The following TPM3 variants were observed in gnomAD, a reference collection of about 807,000 sequenced individuals.
The protein encoded by TPM3 is tropomyosin 3.
In TPM3, 16 loss-of-function variants were observed where a neutral mutation model predicts 43.1. The ratio of observed to expected loss-of-function variants is 0.37; its 90% CI spans 0.25 to 0.56. The LOEUF is 0.56. Among genes scored for constraint, TPM3 ranks in the 20% least tolerant of loss-of-function variants. The pLI, the probability that TPM3 is intolerant of heterozygous loss-of-function variation, is 0.77. For missense variants in TPM3, 176 were observed against 337.2 expected (o/e 0.52, Z 3.74); for synonymous variants, 101 against 116.9 (o/e 0.86, Z 0.88).
rs993360443 is a variant in TPM3, at chr1:154,166,260, C to T, written c.*1677G>A. 2.2e-5 allele frequency: 5 copies of T among 229,034 alleles called. No homozygotes were observed. In the East Asian group the frequency reaches 2.5e-4, roughly 11 times the overall value. 14.2% of individuals were successfully genotyped at this position (229,034 alleles called of 1,614,324 possible). On this transcript the variant is annotated 3_prime_UTR_variant, in exon 10 of 10. Transcript: ENST00000651641. Reference sequence around the variant, plus strand: ...AGTGTTTTTAACAGATGGAATCTTGCTGTGTTGCCCAGGCTGGAGTACTAC... The same window carrying T: ...AGTGTTTTTAACAGATGGAATCTTGTTGTGTTGCCCAGGCTGGAGTACTAC...
chr1:154,186,944 T>C (rs1663438789), intron 2 of TPM3, among the ~76,000 whole-genome samples: 1 of 151,714 alleles, frequency 6.6e-6, no homozygotes, highest in African/African-American at 2.4e-5. Context: ...CCTCCTTCTC[T>C]ACTGCTTATA....
At chr1:154,168,150 C>G (rs569424408) in intron 9 of TPM3, among the ~76,000 whole-genome samples, 2 of 152,318 alleles carry the variant, frequency 1.3e-5, no homozygotes, top group South Asian at 2.1e-4. Flanking sequence ...CAGGGATCCA[C>G]AGCAAACAGA....
chr1:154,185,897 C>G (rs941407507), intron 2 of TPM3, among the ~76,000 whole-genome samples: 2 of 151,242 alleles, frequency 1.3e-5, no homozygotes, highest in Admixed American at 1.3e-4. Context: ...CTCTTTTCTC[C>G]TAGAAAATTA....
intron 3 of TPM3, among the ~76,000 whole-genome samples, chr1:154,174,407 T>TATACACATAC (rs1261318136): frequency 1.4e-5 from 1 of 72,678 alleles, no homozygotes; most frequent in African/African-American, 5.0e-5. Flanking sequence ...TATATATATA[T>TATACACATAC]ACACACAAAA....
chr1:154,157,478 A>C, downstream of TPM3: 1 of 739,438 alleles, frequency 1.4e-6, no homozygotes, highest in Non-Finnish European at 2.5e-6. Context: ...AGGCAGAGAC[A>C]GTTTGGCGAA....
At position 154,167,843 on chromosome 1, in the gene TPM3, G is replaced by C; in HGVS notation, c.*94C>G. The C allele has an allele frequency of 6.2e-7, 1 of 1,612,996 alleles. No homozygotes were observed. The highest frequency in any genetic ancestry group is 8.5e-7 in the Non-Finnish European group (1 of 1,179,346). On this transcript the variant is annotated 3_prime_UTR_variant, in exon 10 of 10. Transcript: ENST00000651641. ...ATCCTAATGCCTTGGGGACCAGCCA[G>C]GCTGACCCAAATGGAATCCAGAGCG... is the stretch of plus-strand genomic sequence containing the variant.
intron 2 of TPM3, among the ~76,000 whole-genome samples, chr1:154,177,943 C>G (rs190228060): frequency 3.3e-5 from 5 of 152,318 alleles, no homozygotes; most frequent in Middle Eastern, 3.4e-3. Flanking sequence ...TCTAACTACA[C>G]TACTCAAAAC....
At chr1:154,156,834 CTTCT>C (rs536007456), downstream of TPM3, 38 of 196,562 alleles carry the variant, frequency 1.9e-4, no homozygotes, top group South Asian at 3.9e-4. Flanking sequence ...AAAACACAGT[CTTCT>C]TTCTTTCTTT....
At position 154,167,834 on chromosome 1, in the gene TPM3, G is replaced by GACC; in HGVS notation, c.*100_*102dup. The GACC allele has an allele frequency of 1.2e-6, 2 of 1,611,818 alleles. No individual in the cohort carries two copies. Among genetic ancestry groups the GACC allele is most frequent in the Non-Finnish European group, 1.7e-6 (2 of 1,178,742 alleles). ...TGCTCCCCCATCCTAATGCCTTGGG[G>GACC]ACCAGCCAGGCTGACCCAAATGGAA... On this transcript the variant is annotated 3_prime_UTR_variant, in exon 10 of 10. Transcript: ENST00000651641.
chr1:154,161,437 C>CTTTTTTTTTT (rs966387714), downstream of TPM3, among the ~76,000 whole-genome samples: 1 of 113,410 alleles, frequency 8.8e-6, no homozygotes, highest in Admixed American at 9.3e-5. Context: ...TATCAGGATC[C>CTTTTTTTTTT]TTTTTTTTTT....
chr1:154,167,394 C>G lies in TPM3; in HGVS notation c.*543G>C. Reference sequence around the variant, plus strand: ...ACAGAATGTGTATTGAGAGTCACTTCAATGGCTTCTCAATGACACCACACC... The same window carrying G: ...ACAGAATGTGTATTGAGAGTCACTTGAATGGCTTCTCAATGACACCACACC... On this transcript the variant is annotated 3_prime_UTR_variant, in exon 10 of 10. Transcript: ENST00000651641. 9.4e-7 allele frequency: 1 copy of G among 1,064,158 alleles called. No homozygotes were observed. The highest frequency in any genetic ancestry group is 1.1e-6 in the Non-Finnish European group (1 of 878,154). 65.9% of individuals were successfully genotyped at this position (1,064,158 alleles called of 1,614,324 possible). A position where few individuals can be genotyped will look rare whatever the true frequency, so the allele number is the denominator to read the frequency against.
At position 154,166,393 on chromosome 1, in the gene TPM3, T is replaced by TAGA. The variant is rs1201867810; in HGVS notation, c.*1543_*1544insTCT. 9 of 371,184 alleles carry TAGA rather than the reference T, an allele frequency of 2.4e-5. No individual in the cohort carries two copies. The highest frequency in any genetic ancestry group is 3.6e-5 in the Non-Finnish European group (9 of 247,164). 23.0% of individuals were successfully genotyped at this position (371,184 alleles called of 1,614,324 possible). ...CCCTTCTTAGGCAACCTTGTTGTTCTCCACTCCCAGGAGGTCACCATACTG... is the reference window on the plus strand; with the variant it reads ...CCCTTCTTAGGCAACCTTGTTGTTCTAGACCACTCCCAGGAGGTCACCATACTG... On this transcript the variant is annotated 3_prime_UTR_variant, in exon 10 of 10. Coordinates refer to ENST00000651641, the MANE Select transcript of TPM3 (RefSeq NM_152263.4).
At position 154,172,943 on chromosome 1, in the gene TPM3, C is replaced by T. The variant is rs1661771460; in HGVS notation, c.531G>A (p.Leu177=). The change falls in exon 5 of 10, where the codon TTG becomes TTA. Residue 177 remains leucine (L), a synonymous_variant. Transcript: ENST00000651641. ...GCTCAGCTCGTTCCTCTGTGCGTTC[C>T]AAGTCTCCTTCAATGATCACCAACT... ...ARKLVIIEGD[L]ERTEERAELA... is the part of the protein sequence containing the mutation. 1.2e-6 allele frequency: 2 copies of T among 1,614,170 alleles called. No individual in the cohort carries two copies. The highest frequency in any genetic ancestry group is 1.7e-6 in the Non-Finnish European group (2 of 1,180,036).
At chr1:154,175,470 C>A (rs1345639721) in intron 3 of TPM3, among the ~76,000 whole-genome samples, 2 of 152,140 alleles carry the variant, frequency 1.3e-5, no homozygotes, top group African/African-American at 2.4e-5. Context: ...CCCCCCTCAC[C>A]CCTACCTATG....
At chr1:154,190,221 C>T (rs1394188470) in intron 2 of TPM3, among the ~76,000 whole-genome samples, 2 of 152,210 alleles carry the variant, frequency 1.3e-5, no homozygotes, top group African/African-American at 4.8e-5. Context: ...GGATTACAGG[C>T]GTGAGCCACC....
chr1:154,169,797 C>T (rs1661376601), intron 8 of TPM3: 2 of 277,572 alleles, frequency 7.2e-6, no homozygotes, highest in Non-Finnish European at 1.4e-5. Flanking sequence ...ATTAGTGGCC[C>T]CTCTGCTCCA....
chr1:154,183,146 T>C (rs1663162498), intron 2 of TPM3: 1 of 1,597,712 alleles, frequency 6.3e-7, no homozygotes, highest in Non-Finnish European at 8.5e-7. Context: ...CTGCTCGCGC[T>C]CCGGTTCCTG....
intron 2 of TPM3, among the ~76,000 whole-genome samples, chr1:154,188,013 G>GT (rs1232418075): frequency 6.6e-6 from 1 of 151,344 alleles, no homozygotes; most frequent in Non-Finnish European, 1.5e-5. Flanking sequence ...TTGTTTGTTT[G>GT]TTTGTTTTGT....
chr1:154,159,196 G>C (rs1187534047), downstream of TPM3: 2 of 666,810 alleles, frequency 3.0e-6, no homozygotes, highest in Non-Finnish European at 5.5e-6. Flanking sequence ...CTGTAAGGCA[G>C]GGTGGATGCA....
Sources: gnomAD v4.1 joint callset for allele counts (sites outside exome capture counted in the v4.1 genomes callset) on GRCh38, gnomAD v4.1.1 for gene constraint, MANE v1.5 for transcripts, NCBI Gene and HGNC (gene_info 2026-07-23, HGNC 2026-07-21) for gene names.